NEGR1: variants seen among roughly 807,000 people sequenced by gnomAD.
The protein encoded by NEGR1 is neuronal growth regulator 1.
NEGR1 carries 10 observed loss-of-function variants against 40.9 expected under a neutral mutation model. The observed-to-expected ratio is 0.24, with a 90% CI of 0.15 to 0.42. The LOEUF (loss-of-function observed/expected upper bound fraction) is 0.42. Ranked by LOEUF, NEGR1 falls within the 10% of genes least tolerant of loss-of-function variation. NEGR1 has a pLI of 1.00. For missense variants in NEGR1, 352 were observed against 438.9 expected (o/e 0.80, Z 1.77); for synonymous variants, 185 against 166.8 (o/e 1.11, Z -0.84).
chr1:72,183,372 C>T (rs1158411705), intron 1 of NEGR1, among the ~76,000 whole-genome samples: 1 of 152,074 alleles, frequency 6.6e-6, no homozygotes, highest in African/African-American at 2.4e-5. Context: ...TCCTATCAGC[C>T]AGGCAAAGAC....
At chr1:71,460,973 T>C (rs906018762) in intron 6 of NEGR1, among the ~76,000 whole-genome samples, 1 of 152,210 alleles carries the variant, frequency 6.6e-6, no homozygotes, top group African/African-American at 2.4e-5. Context: ...CCAAATAATT[T>C]ATTTTTAAGC....
chr1:72,045,120 C>G (rs1646989473), intron 1 of NEGR1, among the ~76,000 whole-genome samples: 1 of 151,728 alleles, frequency 6.6e-6, no homozygotes, highest in Non-Finnish European at 1.5e-5. Flanking sequence ...AACATAGCTG[C>G]ATTAGAATTT....
At chr1:72,217,735 C>T (rs1056681100) in intron 1 of NEGR1, among the ~76,000 whole-genome samples, 2 of 151,616 alleles carry the variant, frequency 1.3e-5, no homozygotes, top group African/African-American at 4.8e-5. Flanking sequence ...AGTGAAACAG[C>T]CCTAACAGTG....
chr1:72,260,286 G>T (rs1245221038), intron 1 of NEGR1, among the ~76,000 whole-genome samples: 1 of 152,018 alleles, frequency 6.6e-6, no homozygotes, highest in African/African-American at 2.4e-5. Context: ...CTTGGTTTCA[G>T]CCAAAATCAG....
At chr1:71,610,811 G>A (rs1243377705) in intron 5 of NEGR1, among the ~76,000 whole-genome samples, 1 of 152,102 alleles carries the variant, frequency 6.6e-6, no homozygotes, top group African/African-American at 2.4e-5. Context: ...GGATTTGCAG[G>A]CATTTCTGAG....
intron 1 of NEGR1, among the ~76,000 whole-genome samples, chr1:72,237,321 T>C (rs904131802): frequency 1.3e-5 from 2 of 152,002 alleles, no homozygotes; most frequent in African/African-American, 4.8e-5. Context: ...AAATCAAAAC[T>C]AATTGTCTTA....
At chr1:71,784,433 T>G (rs541972102) in intron 2 of NEGR1, among the ~76,000 whole-genome samples, 38 of 152,242 alleles carry the variant, frequency 2.5e-4, no homozygotes, top group African/African-American at 8.9e-4. Context: ...AAATGATGAC[T>G]TATTAACTTG....
intron 4 of NEGR1, among the ~76,000 whole-genome samples, chr1:71,635,846 C>T (rs981008081): frequency 6.6e-6 from 1 of 151,886 alleles, no homozygotes; most frequent in African/African-American, 2.4e-5. Flanking sequence ...TTTGAGATAT[C>T]GTGTCCTTAC....
chr1:72,087,495 G>A (rs1169149662), intron 1 of NEGR1, among the ~76,000 whole-genome samples: 2 of 151,570 alleles, frequency 1.3e-5, no homozygotes, highest in Non-Finnish European at 2.9e-5. Context: ...TAGGCAGGAT[G>A]CAGGAGTTAT....
chr1:71,695,655 C>A (rs1484891852), intron 4 of NEGR1, among the ~76,000 whole-genome samples: 1 of 151,792 alleles, frequency 6.6e-6, no homozygotes, highest in East Asian at 1.9e-4. Context: ...TCAGGCTCTA[C>A]CTCAAATGTT....
intron 6 of NEGR1, among the ~76,000 whole-genome samples, chr1:71,521,188 A>T (rs1281136377): frequency 1.3e-5 from 2 of 152,028 alleles, no homozygotes; most frequent in African/African-American, 4.8e-5. Flanking sequence ...TATTTCAAGT[A>T]CAAAAGCACT....
Position 71,430,711 on chromosome 1 carries a change from T to C in NEGR1, c.941-23141A>G, listed in dbSNP as rs1234022204. On this transcript the variant is annotated intron_variant, in intron 6 of 6. Transcript: ENST00000357731. ...AAGAATTAAAAAAAGGCCTTTTTTT[T>C]TTTTTTTTTTTTTGAGACGGAGTCT... 2.1e-5 allele frequency among the ~76,000 whole-genome samples: 3 copies of C among 141,464 alleles called. No individual in the cohort carries two copies. In the South Asian group the frequency reaches 7.3e-4, roughly 34 times the overall value. 92.8% of individuals were successfully genotyped at this position (141,464 alleles called of 152,430 possible). A position where few individuals can be genotyped will look rare whatever the true frequency, so the allele number is the denominator to read the frequency against.
chr1:72,049,721 CG>C (rs1647039746), intron 1 of NEGR1, among the ~76,000 whole-genome samples: 1 of 151,428 alleles, frequency 6.6e-6, no homozygotes, highest in African/African-American at 2.4e-5. Flanking sequence ...AAAAGGTGAG[CG>C]TTTTGTGAAT....
intron 3 of NEGR1, among the ~76,000 whole-genome samples, chr1:71,708,962 G>A (rs988552919): frequency 6.6e-6 from 1 of 152,138 alleles, no homozygotes; most frequent in African/African-American, 2.4e-5. Flanking sequence ...TGGTGTATAT[G>A]TGTCATATTT....
chr1:72,280,030 T>A (rs1225150118), intron 1 of NEGR1, among the ~76,000 whole-genome samples: 1 of 152,152 alleles, frequency 6.6e-6, no homozygotes, highest in Non-Finnish European at 1.5e-5. Flanking sequence ...TTAGAAACAT[T>A]ATTGAGAAGA....
intron 6 of NEGR1, among the ~76,000 whole-genome samples, chr1:71,567,864 G>T (rs983566242): frequency 6.6e-6 from 1 of 151,970 alleles, no homozygotes; most frequent in Non-Finnish European, 1.5e-5. Flanking sequence ...AGACCCCAGG[G>T]AATTTTCGCA....
At chr1:71,738,866 T>C (rs1655118860) in intron 3 of NEGR1, among the ~76,000 whole-genome samples, 1 of 152,180 alleles carries the variant, frequency 6.6e-6, no homozygotes, top group Non-Finnish European at 1.5e-5. Flanking sequence ...TGTTTATACA[T>C]TGTATGTAAC....
At chr1:71,653,210 A>G (rs1474130916) in intron 4 of NEGR1, among the ~76,000 whole-genome samples, 4 of 152,260 alleles carry the variant, frequency 2.6e-5, no homozygotes, top group Admixed American at 2.6e-4. Context: ...TAAACAGTCT[A>G]TGAATCTATA....
At chr1:71,638,815 T>G (rs984779542) in intron 4 of NEGR1, among the ~76,000 whole-genome samples, 1 of 151,976 alleles carries the variant, frequency 6.6e-6, no homozygotes, top group African/African-American at 2.4e-5. Flanking sequence ...GTGTCCGCAA[T>G]GCAAGCTGTT....
Sources: gnomAD v4.1 joint callset for allele counts (sites outside exome capture counted in the v4.1 genomes callset) on GRCh38, gnomAD v4.1.1 for gene constraint, MANE v1.5 for transcripts, NCBI Gene and HGNC (gene_info 2026-07-23, HGNC 2026-07-21) for gene names.